NDUFA10: variants seen among roughly 807,000 people sequenced by gnomAD.
The protein encoded by NDUFA10 is NADH dehydrogenase [ubiquinone] 1 alpha subcomplex subunit 10, mitochondrial.
NDUFA10 carries 40 observed loss-of-function variants against 47.8 expected under a neutral mutation model. That is an observed-to-expected ratio of 0.84 (90% CI 0.65 to 1.09). The LOEUF (loss-of-function observed/expected upper bound fraction) is 1.09. Among genes scored for constraint, NDUFA10 ranks in the 50% least tolerant of loss-of-function variants. NDUFA10 has a pLI of 0.00. For synonymous variants in NDUFA10, 183 were observed against 172.2 expected (o/e 1.06, Z -0.49); for missense variants, 413 against 451.1 (o/e 0.92, Z 0.76).
At chr2:239,918,899 G>A (rs1237826771) in intron 4 of NDUFA10, among the ~76,000 whole-genome samples, 1 of 152,198 alleles carries the variant, frequency 6.6e-6, no homozygotes, top group East Asian at 1.9e-4. Flanking sequence ...TGCCTCTGAT[G>A]GAGTTCACCC....
At chr2:239,913,438 G>A (rs1384748662) in intron 4 of NDUFA10, among the ~76,000 whole-genome samples, 1 of 152,248 alleles carries the variant, frequency 6.6e-6, no homozygotes, top group African/African-American at 2.4e-5. Flanking sequence ...GTCACGTGGT[G>A]AACCTTGGCC....
At chr2:240,014,568 G>A in intron 5 of NDUFA10, 171 bp downstream of exon 5, 1 of 1,078,326 alleles carries the variant, frequency 9.3e-7, no homozygotes, top group Non-Finnish European at 1.4e-6. Flanking sequence ...CCGAGCCATG[G>A]GGTCTCCCCT....
intron 4 of NDUFA10, among the ~76,000 whole-genome samples, chr2:239,948,061 C>G (rs1307627997): frequency 6.6e-6 from 1 of 152,216 alleles, no homozygotes; most frequent in Non-Finnish European, 1.5e-5. Context: ...GGTCGGGGGA[C>G]AAGCTCTGTC....
Position 239,960,218 on chromosome 2 carries a change from C to G in NDUFA10, c.*900G>C. On this transcript the variant is annotated 3_prime_UTR_variant, in exon 10 of 10. Coordinates refer to ENST00000252711, the MANE Select transcript of NDUFA10 (RefSeq NM_004544.4). ...GCTTTACAGTGGAAAACCCACAGTT[C>G]AGTAGGACTCACAACTGACAGCTTG... is the stretch of plus-strand genomic sequence containing the variant. 1 of 985,500 alleles carries G rather than the reference C, an allele frequency of 1.0e-6. No individual in the cohort carries two copies. The highest frequency in any genetic ancestry group is 1.2e-6 in the Non-Finnish European group (1 of 830,008). The allele number at this position is 985,500 out of a possible 1,614,324, so 61.0% of individuals were successfully genotyped here.
intron 9 of NDUFA10, among the ~76,000 whole-genome samples, chr2:239,968,389 C>T (rs1033337842): frequency 3.3e-5 from 5 of 152,198 alleles, no homozygotes; most frequent in African/African-American, 9.7e-5. Flanking sequence ...TGCCCCCTCC[C>T]GAAATACACT....
At chr2:239,994,521 T>C (rs1022839573) in intron 8 of NDUFA10, among the ~76,000 whole-genome samples, 2 of 152,042 alleles carry the variant, frequency 1.3e-5, no homozygotes, top group African/African-American at 4.8e-5. Flanking sequence ...TTTTACATCA[T>C]GGTGAGTTGT....
intron 4 of NDUFA10, among the ~76,000 whole-genome samples, chr2:239,905,507 G>C (rs1212310763): frequency 1.3e-5 from 2 of 152,252 alleles, no homozygotes; most frequent in Non-Finnish European, 2.9e-5. Flanking sequence ...ACGCGTGTGA[G>C]GCCAACAGCA....
chr2:239,915,467 C>A (rs932305618), intron 4 of NDUFA10, among the ~76,000 whole-genome samples: 1 of 145,850 alleles, frequency 6.9e-6, no homozygotes, highest in Non-Finnish European at 1.5e-5. Context: ...GATACACATA[C>A]ATACACACAC....
Position 239,960,861 on chromosome 2 carries a change from C to G in NDUFA10, c.*257G>C, listed in dbSNP as rs1160518800. On this transcript the variant is annotated 3_prime_UTR_variant, in exon 10 of 10. Coordinates refer to ENST00000252711, the MANE Select transcript of NDUFA10 (RefSeq NM_004544.4). ...CGAGAGCTGGCCTTTCACAGCAGACCACTGTTTTCCAGTGAGAATGGTGGG... is the reference window on the plus strand; with the variant it reads ...CGAGAGCTGGCCTTTCACAGCAGACGACTGTTTTCCAGTGAGAATGGTGGG... The G allele has an allele frequency of 4.3e-6, 6 of 1,389,402 alleles. No homozygotes were observed. Among genetic ancestry groups the G allele is most frequent in the Non-Finnish European group, 5.6e-6 (6 of 1,065,020 alleles). The allele number at this position is 1,389,402 out of a possible 1,614,324, so 86.1% of individuals were successfully genotyped here.
chr2:239,895,478 A>G (rs558746217), intron 4 of NDUFA10, among the ~76,000 whole-genome samples: 1 of 152,202 alleles, frequency 6.6e-6, no homozygotes, highest in Non-Finnish European at 1.5e-5. Context: ...ATGAAAACAC[A>G]CAGTCCCTTG....
intron 9 of NDUFA10, among the ~76,000 whole-genome samples, chr2:239,981,674 G>C (rs1306409787): frequency 1.3e-5 from 2 of 152,108 alleles, no homozygotes; most frequent in African/African-American, 4.8e-5. Context: ...CTAACCTCCA[G>C]GTATCAACAA....
At chr2:239,908,774 C>G (rs80320641) in intron 4 of NDUFA10, among the ~76,000 whole-genome samples, 19,145 of 152,230 alleles carry the variant, frequency 0.13, 1,732 homozygotes, top group Admixed American at 0.27. Context: ...AGGGGCCAGG[C>G]CCTCAGTGCC....
intron 8 of NDUFA10, among the ~76,000 whole-genome samples, chr2:239,996,756 T>C (rs1696496848): frequency 6.6e-6 from 1 of 152,074 alleles, no homozygotes; most frequent in African/African-American, 2.4e-5. Context: ...CAGCTTTGAA[T>C]GCAGCCCAAC....
intron 4 of NDUFA10, among the ~76,000 whole-genome samples, chr2:239,936,063 G>A (rs892571085): frequency 1.2e-4 from 18 of 152,190 alleles, no homozygotes; most frequent in African/African-American, 4.3e-4. Context: ...CCAGGTGCTG[G>A]GATCCTGCAG....
rs1230475702 is a variant in NDUFA10 at position 240,022,242 on chromosome 2, T to C, written c.174A>G (p.Arg58=). ...KASKRLTERS[R]VITVDGNICT... ...ATATATTGCCATCTACAGTTATCAC[T>C]CTGCTGCGTTCTGTCAGTCTTTTGC... Residue 58 remains arginine, a synonymous_variant, in exon 2 of 10, where the codon AGA becomes AGG. Coordinates refer to ENST00000252711, the MANE Select transcript of NDUFA10 (RefSeq NM_004544.4). 3.7e-6 allele frequency: 6 copies of C among 1,614,142 alleles called. No individual in the cohort carries two copies. Among genetic ancestry groups the C allele is most frequent in the Non-Finnish European group, 5.1e-6 (6 of 1,180,024 alleles).
intron 4 of NDUFA10, among the ~76,000 whole-genome samples, chr2:239,899,035 A>G (rs1427232877): frequency 6.2e-5 from 4 of 64,884 alleles, no homozygotes; most frequent in African/African-American, 5.4e-5. Flanking sequence ...GAGGGGTGTA[A>G]AGGAGGGGTG....
intron 5 of NDUFA10, chr2:240,013,360 T>C (rs1433158595): frequency 6.6e-6 from 1 of 152,230 alleles, no homozygotes; most frequent in African/African-American, 2.4e-5. Flanking sequence ...AGCTCTACTT[T>C]AGACCTCAGA....
intron 4 of NDUFA10, among the ~76,000 whole-genome samples, chr2:239,931,451 T>A (rs144288419): frequency 6.6e-6 from 1 of 152,380 alleles, no homozygotes; most frequent in African/African-American, 2.4e-5. Context: ...CTTTTCCAAA[T>A]GAGGTCACAT....
At chr2:240,007,979 C>T (rs1697010884) in intron 6 of NDUFA10, among the ~76,000 whole-genome samples, 1 of 152,208 alleles carries the variant, frequency 6.6e-6, no homozygotes, top group South Asian at 2.1e-4. Context: ...CAAGAATGTA[C>T]AAGCTATTTA....
Sources: allele counts gnomAD v4.1 joint callset (sites outside exome capture counted in the v4.1 genomes callset), GRCh38; gene constraint gnomAD v4.1.1; transcripts MANE v1.5; gene names NCBI Gene and HGNC (gene_info 2026-07-23, HGNC 2026-07-21).